FLT4: variants seen among roughly 807,000 people sequenced by gnomAD.
FLT4 encodes fms related receptor tyrosine kinase 4.
Under a neutral mutation model 163.2 loss-of-function variants are expected in FLT4, and 30 were observed. That is an observed-to-expected ratio of 0.18 (90% confidence interval 0.14 to 0.25). The LOEUF is 0.25. Ranked by LOEUF, FLT4 falls within the 10% of genes least tolerant of loss-of-function variation. FLT4 has a pLI of 1.00. For missense variants in FLT4, 1,510 were observed against 1,863.8 expected (o/e 0.81, Z 3.50); for synonymous variants, 884 against 789.5 (o/e 1.12, Z -2.01).
Position 180,625,041 on chromosome 5 carries a change from T to C in FLT4, c.1421+828A>G, listed in dbSNP as rs307824. 2.0e-5 allele frequency among the ~76,000 whole-genome samples: 3 copies of C among 152,158 alleles called. No homozygotes were observed. In the East Asian group the frequency reaches 5.8e-4, roughly 29 times the overall value. On this transcript the variant is annotated intron_variant, in intron 10 of 29. Coordinates refer to ENST00000261937, the MANE Select transcript of FLT4 (RefSeq NM_182925.5). ...ACCTTGGACATCTGGGGCCGGCTCA[T>C]GCCACCCCTACTGAGCCTCCCCCAC...
intron 2 of FLT4, among the ~76,000 whole-genome samples, chr5:180,631,341 C>T (rs562941633): frequency 3.4e-4 from 52 of 151,990 alleles, no homozygotes; most frequent in Admixed American, 1.6e-3. Context: ...GGCGTGGTGG[C>T]GGGCACCTGT....
chr5:180,615,181 G>C (rs1247184242), intron 23 of FLT4, among the ~76,000 whole-genome samples: 1 of 111,670 alleles, frequency 9.0e-6, no homozygotes, highest in Non-Finnish European at 1.9e-5. Context: ...ACTTCCTTTC[G>C]GAGCACTGGG....
chr5:180,636,616 C>A lies in FLT4; in HGVS notation c.59-4838G>T, dbSNP rs1353582875. ...CATCCACAGGGCTGACTCACCAGCA[C>A]CCTGGCCTCTGAGATCCCCCCTGCA... On this transcript the variant is annotated intron_variant, in intron 1 of 29. Coordinates refer to ENST00000261937, the MANE Select transcript of FLT4 (RefSeq NM_182925.5). This position sits in a 1 kb window ranked among gnomAD's most constrained non-coding sequence, Gnocchi z 4.3. 6.6e-6 allele frequency among the ~76,000 whole-genome samples: 1 copy of A among 151,736 alleles called. No homozygotes were observed. Among genetic ancestry groups the A allele is most frequent in the Admixed American group, 6.6e-5 (1 of 15,234 alleles).
chr5:180,631,853 T>G, intron 1 of FLT4, 75 bp from the exon 2 acceptor site: 2 of 1,055,890 alleles, frequency 1.9e-6, no homozygotes, highest in Non-Finnish European at 2.9e-6. Context: ...GGCTGGGCAT[T>G]CTGCATCGCA....
At chr5:180,609,881 G>A in intron 28 of FLT4, 24 bp downstream of exon 28, 1 of 1,613,776 alleles carries the variant, frequency 6.2e-7, no homozygotes, top group Non-Finnish European at 8.5e-7. Context: ...CGAGAGCGCA[G>A]CCCCCACCCT....
intron 8 of FLT4, among the ~76,000 whole-genome samples, chr5:180,627,039 C>G: frequency 6.6e-6 from 1 of 152,210 alleles, no homozygotes; most frequent in East Asian, 1.9e-4. Flanking sequence ...GAGTTGCGCC[C>G]AGATGCCTAC....
intron 13 of FLT4, 88 bp from the exon 14 acceptor site, chr5:180,621,340 C>G: frequency 6.7e-7 from 1 of 1,498,210 alleles, no homozygotes; most frequent in Non-Finnish European, 9.0e-7. Flanking sequence ...AGAAAAGGAT[C>G]CCTGGAAGCT....
chr5:180,621,307 C>T (rs1169289829), intron 13 of FLT4, 55 bp from the exon 14 acceptor site: 2 of 1,573,736 alleles, frequency 1.3e-6, no homozygotes, highest in East Asian at 2.3e-5. Flanking sequence ...CAGGAGGACC[C>T]TCTTTGGGCT....
chr5:180,630,731 C>T lies in FLT4; in HGVS notation c.224G>A (p.Ser75Asn). ...GTCTCGCACCACCCCCGTGTCCTCGCTGTCCTTGTCTCCGGTGGCTGGCGC... is the reference window on the plus strand; with the variant it reads ...GTCTCGCACCACCCCCGTGTCCTCGTTGTCCTTGTCTCCGGTGGCTGGCGC... ...QEAPATGDKD[S>N]EDTGVVRDCE... The change falls in exon 3 of 30, where the codon AGC becomes AAC. Residue 75 changes from serine to asparagine, a missense_variant. By Grantham distance (46) the Ser-to-Asn change is conservative. This residue lies in a region of FLT4 where 157 missense variants were observed against 178.7 expected (regional missense o/e 0.88). Coordinates refer to ENST00000261937, the MANE Select transcript of FLT4 (RefSeq NM_182925.5). The surrounding 1 kb of genome is among the most constrained non-coding windows in gnomAD (Gnocchi z 6.3). 1 of 1,611,508 alleles carries T rather than the reference C, an allele frequency of 6.2e-7. No homozygotes were observed. Among genetic ancestry groups the T allele is most frequent in the Non-Finnish European group, 8.5e-7 (1 of 1,179,928 alleles).
At chr5:180,603,514 C>A in intron 29 of FLT4, 124 bp from the exon 30 acceptor site, 1 of 852,884 alleles carries the variant, frequency 1.2e-6, no homozygotes. Context: ...GAGTTAGAGT[C>A]CAGCCCAGGC....
At chr5:180,638,518 G>GT (rs1164079606) in intron 1 of FLT4, among the ~76,000 whole-genome samples, 3 of 152,220 alleles carry the variant, frequency 2.0e-5, no homozygotes, top group African/African-American at 7.2e-5. Flanking sequence ...GCTCCCTGCA[G>GT]TGAGTGACAC....
chr5:180,604,047 C>T (rs989195408), intron 29 of FLT4, among the ~76,000 whole-genome samples: 2 of 152,150 alleles, frequency 1.3e-5, no homozygotes, highest in South Asian at 4.1e-4. Context: ...GGAGCCCTGT[C>T]AGGGTCTGAT....
chr5:180,622,257 GCTCCATCTCTCTGCTGGTGCCCTGAT>G (rs1763211287), intron 12 of FLT4, among the ~76,000 whole-genome samples: 1 of 149,086 alleles, frequency 6.7e-6, no homozygotes, highest in Admixed American at 6.6e-5. Context: ...GTTCTTTTGG[GCTCCATCTCTCTGCTGGTGCCCTGAT>G]CTACATCTCT....
intron 8 of FLT4, among the ~76,000 whole-genome samples, chr5:180,627,812 C>G (rs1388039426): frequency 6.6e-6 from 1 of 152,188 alleles, no homozygotes; most frequent in Non-Finnish European, 1.5e-5. Flanking sequence ...TCTCCAGGAG[C>G]TGTACCCGTG....
Position 180,603,159 on chromosome 5 carries a change from C to A in FLT4, c.*33G>T. 6.2e-7 allele frequency: 1 copy of A among 1,609,854 alleles called. No homozygotes were observed. Among genetic ancestry groups the A allele is most frequent in the Non-Finnish European group, 8.5e-7 (1 of 1,177,126 alleles). On this transcript the variant is annotated 3_prime_UTR_variant, in exon 30 of 30. Coordinates refer to ENST00000261937, the MANE Select transcript of FLT4 (RefSeq NM_182925.5). Reference sequence around the variant, plus strand: ...CTCTGCCCGCCCTGCCGGGCCTGAACCCCCAAGTGCTGGGGGTCTTGTCCG... The same window carrying A: ...CTCTGCCCGCCCTGCCGGGCCTGAAACCCCAAGTGCTGGGGGTCTTGTCCG...
intron 29 of FLT4, among the ~76,000 whole-genome samples, chr5:180,607,457 G>A (rs1224668175): frequency 6.6e-6 from 1 of 151,848 alleles, no homozygotes; most frequent in African/African-American, 2.4e-5. Flanking sequence ...CTAACATGGC[G>A]AAACCCGGTC....
In FLT4 at chr5:180,621,764, C is replaced by T. The variant is rs1763165599; in HGVS notation, c.1798G>A (p.Asp600Asn). 3 of 1,613,282 alleles carry T rather than the reference C, an allele frequency of 1.9e-6. No homozygotes were observed. The highest frequency in any genetic ancestry group is 2.5e-6 in the Non-Finnish European group (3 of 1,179,992). The change falls in exon 13 of 30, where the codon GAT (aspartate) becomes AAT (asparagine). Residue 600 changes from aspartate to asparagine, a missense_variant. Physicochemically the swap from Asp to Asn is conservative, Grantham distance 23. Transcript: ENST00000261937. ...AGCAGAAGCGGGTTCCCGTGCGCAT[C>T]GTGCAGCGTGGACAGGTTGAGGCGG... is the stretch of plus-strand genomic sequence containing the variant. ...WYRLNLSTLH[D>N]AHGNPLLLDC... is the part of the protein sequence containing the mutation.
At chr5:180,612,255 C>T (rs566995826) in intron 26 of FLT4, 22 of 575,378 alleles carry the variant, frequency 3.8e-5, no homozygotes, top group Admixed American at 6.0e-5. Flanking sequence ...GGATTCCCCT[C>T]GCGCAGGGAC....
Position 180,630,819 on chromosome 5 carries a change from G to A in FLT4, c.156-20C>T. 6.3e-7 allele frequency: 1 copy of A among 1,591,330 alleles called. No homozygotes were observed. Among genetic ancestry groups the A allele is most frequent in the Non-Finnish European group, 8.5e-7 (1 of 1,173,366 alleles). Reference sequence around the variant, plus strand: ...TGTCCCCTGGCAGAGGACAGGAGTGGTCAGGTGGGCCCCAGGGCAGCCCAT... The same window carrying A: ...TGTCCCCTGGCAGAGGACAGGAGTGATCAGGTGGGCCCCAGGGCAGCCCAT... On this transcript the variant is annotated intron_variant, in intron 2 of 29. Transcript: ENST00000261937. This position sits in a 1 kb window ranked among gnomAD's most constrained non-coding sequence, Gnocchi z 6.3.
Sources: allele counts gnomAD v4.1 joint callset (sites outside exome capture counted in the v4.1 genomes callset), GRCh38; gene constraint gnomAD v4.1.1; regional missense constraint gnomAD v4.1.1; non-coding constraint Gnocchi (gnomAD v3.1); transcripts MANE v1.5; gene names NCBI Gene and HGNC (gene_info 2026-07-23, HGNC 2026-07-21).